The following CDH4 variants were observed in gnomAD, a reference collection of about 807,000 sequenced individuals.
CDH4 encodes cadherin 4, also known as cadherin-4.
Under a neutral mutation model 86.0 loss-of-function variants are expected in CDH4, and 33 were observed. That is an observed-to-expected ratio of 0.38 (90% CI 0.29 to 0.51). CDH4 has a LOEUF of 0.51. Among genes scored for constraint, CDH4 ranks in the 20% least tolerant of loss-of-function variants. The pLI is 0.86. For synonymous variants in CDH4, 555 were observed against 549.4 expected (o/e 1.01, Z -0.14); for missense variants, 1,114 against 1,307.4 (o/e 0.85, Z 2.28).
At chr20:61,631,160 G>T (rs990138062) in intron 2 of CDH4, among the ~76,000 whole-genome samples, 2 of 152,354 alleles carry the variant, frequency 1.3e-5, no homozygotes, top group East Asian at 3.9e-4. Context: ...ATGCACAGGG[G>T]AAGCATAAGA....
intron 2 of CDH4, among the ~76,000 whole-genome samples, chr20:61,257,689 TTC>T: frequency 6.6e-6 from 1 of 152,386 alleles, no homozygotes; most frequent in South Asian, 2.1e-4. Flanking sequence ...AAATGCAGTG[TTC>T]TCTAAACCGT....
chr20:61,338,280 A>G (rs1161634398), intron 2 of CDH4, among the ~76,000 whole-genome samples: 1 of 151,540 alleles, frequency 6.6e-6, no homozygotes, highest in African/African-American at 2.4e-5. Flanking sequence ...AGATTGGGAA[A>G]AAATTGAAGA....
chr20:61,316,445 T>C (rs2084476639), intron 2 of CDH4, among the ~76,000 whole-genome samples: 3 of 152,198 alleles, frequency 2.0e-5, no homozygotes, highest in Admixed American at 6.5e-5. Context: ...AACAAATGTG[T>C]TGTTCCAACA....
At chr20:61,839,587 G>A (rs1289405519) in intron 4 of CDH4, among the ~76,000 whole-genome samples, 2 of 151,746 alleles carry the variant, frequency 1.3e-5, no homozygotes, top group Non-Finnish European at 2.9e-5. Context: ...TGTGACGTGT[G>A]TATGTGTATT....
chr20:61,564,290 G>T (rs546896881), intron 2 of CDH4, among the ~76,000 whole-genome samples: 2 of 152,198 alleles, frequency 1.3e-5, no homozygotes, highest in Non-Finnish European at 2.9e-5. Context: ...ATTAAGCACA[G>T]TGTGTGTGGC....
At position 61,854,367 on chromosome 20, in the gene CDH4, G is replaced by A. The variant is rs1481333434; in HGVS notation, c.877+1469G>A. ...TGTGAACAAGGTGAATTATACCCTC[G>A]GTCCGCCCCCAGGGCTGCAGTGTGA... On this transcript the variant is annotated intron_variant, in intron 6 of 15. Transcript: ENST00000614565. Among the ~76,000 whole-genome samples, 8 of 152,194 alleles carry A rather than the reference G, an allele frequency of 5.3e-5. No individual in the cohort carries two copies. In the South Asian group the frequency reaches 6.2e-4, roughly 12 times the overall value.
chr20:61,617,195 G>T (rs899792510), intron 2 of CDH4, among the ~76,000 whole-genome samples: 14 of 152,172 alleles, frequency 9.2e-5, no homozygotes, highest in Non-Finnish European at 2.1e-4. Context: ...CATGCAGCCT[G>T]TCTGAACCCA....
At chr20:61,263,432 G>C (rs1043021336) in intron 2 of CDH4, among the ~76,000 whole-genome samples, 2 of 152,128 alleles carry the variant, frequency 1.3e-5, no homozygotes, top group African/African-American at 4.8e-5. Flanking sequence ...CCCACATCAG[G>C]GGCCAGGAAG....
chr20:61,669,210 C>G (rs1245006174), intron 2 of CDH4, among the ~76,000 whole-genome samples: 1 of 152,204 alleles, frequency 6.6e-6, no homozygotes, highest in African/African-American at 2.4e-5. Flanking sequence ...ACAGGCTTCC[C>G]CAAAGACATG....
At chr20:61,476,676 A>T (rs2085538102) in intron 2 of CDH4, among the ~76,000 whole-genome samples, 1 of 152,184 alleles carries the variant, frequency 6.6e-6, no homozygotes, top group South Asian at 2.1e-4. Context: ...TCTGCAATTA[A>T]GTGTTAGGCT....
chr20:61,293,946 C>T (rs2084337574), intron 2 of CDH4, among the ~76,000 whole-genome samples: 1 of 152,058 alleles, frequency 6.6e-6, no homozygotes, highest in African/African-American at 2.4e-5. Context: ...CACAGGGAAG[C>T]TGGTGAGGTG....
chr20:61,462,761 T>C (rs986665564), intron 2 of CDH4, among the ~76,000 whole-genome samples: 1 of 152,210 alleles, frequency 6.6e-6, no homozygotes, highest in Non-Finnish European at 1.5e-5. Context: ...ATCTCGTCTT[T>C]GCTGGAAATA....
At chr20:61,571,367 C>T (rs1012665809) in intron 2 of CDH4, among the ~76,000 whole-genome samples, 3 of 152,194 alleles carry the variant, frequency 2.0e-5, no homozygotes, top group Middle Eastern at 3.2e-3. Flanking sequence ...GTAGACAGTG[C>T]TGGCCTTGAC....
In CDH4 at chr20:61,419,158, G is replaced by T. The variant is rs140551340; in HGVS notation, c.169+164221G>T. 1.6e-3 allele frequency among the ~76,000 whole-genome samples: 243 copies of T among 152,292 alleles called. 1 individual carries two copies. Among genetic ancestry groups the T allele is most frequent in the African/African-American group, 5.6e-3 (231 of 41,566 alleles). On this transcript the variant is annotated intron_variant, in intron 2 of 15. Transcript: ENST00000614565. ...CCTCGCAGGGTTTGGTGGGACTGCT[G>T]GTTATGGGGGTGGGGCTCACTGCAG...
At chr20:61,756,739 C>T (rs1273539786) in intron 3 of CDH4, among the ~76,000 whole-genome samples, 3 of 152,126 alleles carry the variant, frequency 2.0e-5, no homozygotes, top group Non-Finnish European at 2.9e-5. Flanking sequence ...TGGCCAGTTT[C>T]TGATCTGAAC....
At chr20:61,846,347 G>A (rs1982454646) in intron 5 of CDH4, among the ~76,000 whole-genome samples, 1 of 152,240 alleles carries the variant, frequency 6.6e-6, no homozygotes, top group African/African-American at 2.4e-5. Flanking sequence ...ACGCCCCCTG[G>A]CTATGCAGCA....
chr20:61,693,025 A>C (rs964240694), intron 2 of CDH4, among the ~76,000 whole-genome samples: 6 of 152,076 alleles, frequency 3.9e-5, no homozygotes, highest in South Asian at 2.1e-4. Flanking sequence ...GATGGAGAGG[A>C]GGGAGAATGC....
In CDH4 at chr20:61,465,111, T is replaced by C. The variant is rs112962447; in HGVS notation, c.169+210174T>C. Among the ~76,000 whole-genome samples the C allele has an allele frequency of 6.9e-3, 1,046 of 152,340 alleles. 11 individuals carry two copies. Among genetic ancestry groups the C allele is most frequent in the African/African-American group, 0.024 (990 of 41,576 alleles). ...GTGACCGTCCACAGGGACTTTGATC[T>C]GGCATACAGAATGCTGGAAGGGCAA... On this transcript the variant is annotated intron_variant, in intron 2 of 15. Coordinates refer to ENST00000614565, the MANE Select transcript of CDH4 (RefSeq NM_001794.5).
chr20:61,905,153 T>G (rs1023207398), intron 8 of CDH4, among the ~76,000 whole-genome samples: 1 of 152,250 alleles, frequency 6.6e-6, no homozygotes, highest in African/African-American at 2.4e-5. Flanking sequence ...TACCTGCCTT[T>G]TCATCCCAAG....
Sources: gnomAD v4.1 joint callset for allele counts (sites outside exome capture counted in the v4.1 genomes callset) on GRCh38, gnomAD v4.1.1 for gene constraint, MANE v1.5 for transcripts, NCBI Gene and HGNC (gene_info 2026-07-23, HGNC 2026-07-21) for gene names.